The following TLN2 variants were observed in gnomAD, a reference collection of about 807,000 sequenced individuals.
The protein encoded by TLN2 is talin-2.
A neutral mutation model predicts 294.7 loss-of-function variants in TLN2; 118 were observed. The ratio of observed to expected loss-of-function variants is 0.40; its 90% CI spans 0.34 to 0.47. The LOEUF (loss-of-function observed/expected upper bound fraction) is 0.47, where lower values mean the gene tolerates loss of function less well. Among genes scored for constraint, TLN2 ranks in the 20% least tolerant of loss-of-function variants. The pLI is 0.84. For missense variants in TLN2, 3,083 were observed against 3,282.2 expected, an observed-to-expected ratio of 0.94 and a Z score of 1.48; for synonymous variants, 1,431 against 1,304.5, an observed-to-expected ratio of 1.10 and a Z score of -2.09.
chr15:62,538,617 G>A (rs368640917), intron 1 of TLN2, among the ~76,000 whole-genome samples: 31 of 152,078 alleles, frequency 2.0e-4, no homozygotes, highest in African/African-American at 7.5e-4. Flanking sequence ...TTAGATTTGG[G>A]GTTTTAGTTT....
intron 45 of TLN2, among the ~76,000 whole-genome samples, chr15:62,785,639 A>G: frequency 8.1e-6 from 1 of 123,416 alleles, no homozygotes; most frequent in African/African-American, 3.2e-5. Context: ...CAACAGAATG[A>G]GACTCCATCT....
chr15:62,542,578 T>C (rs555154660), intron 1 of TLN2, among the ~76,000 whole-genome samples: 3 of 152,208 alleles, frequency 2.0e-5, no homozygotes, highest in South Asian at 2.1e-4. Flanking sequence ...ATCCTTTTGG[T>C]TGCAAGTAAA....
chr15:62,625,199 G>T (rs112632588), intron 3 of TLN2, among the ~76,000 whole-genome samples: 1 of 152,054 alleles, frequency 6.6e-6, no homozygotes, highest in East Asian at 1.9e-4. Flanking sequence ...TACTGAATGT[G>T]CACATGGGGC....
At chr15:62,404,457 T>G (rs1451696496) in intron 1 of TLN2, among the ~76,000 whole-genome samples, 2 of 152,154 alleles carry the variant, frequency 1.3e-5, no homozygotes, top group Non-Finnish European at 2.9e-5. Context: ...GATGTCTCCT[T>G]CTTCTCCTAA....
rs747800149 is a variant in TLN2 at position 62,833,593 on chromosome 15, C to G, written c.7092C>G (p.Ala2364=). The part of the protein sequence containing the change: ...AAATSALVKS[A]SAAQRELVAQ... ...CCACAAGCGCCCTGGTCAAATCGGC[C>G]TCAGCAGCCCAGAGGGAGCTGGTGG... Residue 2364 remains alanine (A), a synonymous_variant, in exon 55 of 59, where the codon GCC becomes GCG. Transcript: ENST00000636159. 9.9e-6 allele frequency: 16 copies of G among 1,614,028 alleles called. No homozygotes were observed. The Admixed American group carries it at 2.7e-4, about 27-fold the overall frequency.
chr15:62,762,532 C>T (rs1418516028), intron 39 of TLN2, 79 bp downstream of exon 39: 1 of 1,452,102 alleles, frequency 6.9e-7, no homozygotes, highest in Non-Finnish European at 9.5e-7. Flanking sequence ...AGGCTTTTTA[C>T]TTAATAGTGA....
chr15:62,608,639 A>G (rs2047650194), intron 2 of TLN2, among the ~76,000 whole-genome samples: 2 of 152,162 alleles, frequency 1.3e-5, no homozygotes, highest in South Asian at 4.1e-4. Flanking sequence ...ACAGGAGGGA[A>G]GCAGGTTGGG....
rs117362561 is a variant in TLN2 at position 62,482,163 on chromosome 15, G to A, written c.-238+91478G>A. ...AAATTATGTAACCACTCATTCTTCCGTTCCTGGGTGTCCCCCACCCCTTGC... is the reference window on the plus strand; with the variant it reads ...AAATTATGTAACCACTCATTCTTCCATTCCTGGGTGTCCCCCACCCCTTGC... On this transcript the variant is annotated intron_variant, in intron 1 of 58. Coordinates refer to ENST00000636159, the MANE Select transcript of TLN2 (RefSeq NM_015059.3). Among the ~76,000 whole-genome samples, 543 of 152,114 alleles carry A rather than the reference G, an allele frequency of 3.6e-3. 3 individuals are homozygous for A. The highest frequency in any genetic ancestry group is 5.7e-3 in the Non-Finnish European group (387 of 67,996).
rs2031992565 is a variant in TLN2 at position 62,390,621 on chromosome 15, GC to G, written c.-301del. 2.6e-5 allele frequency: 4 copies of G among 152,114 alleles called. No individual in the cohort carries two copies. Among genetic ancestry groups the G allele is most frequent in the African/African-American group, 7.3e-5 (3 of 41,350 alleles). The allele number at this position is 152,114 out of a possible 1,614,324, so 9.4% of individuals were successfully genotyped here. On this transcript the variant is annotated 5_prime_UTR_variant, in exon 1 of 59. Transcript: ENST00000636159. ...CGGGAGCGGAGTGGTCGCCCAGCGC[GC>G]GGGGGGACGCGGGCTGCACTCCCGG...
intron 24 of TLN2, among the ~76,000 whole-genome samples, chr15:62,719,197 A>G (rs2059972500): frequency 1.3e-5 from 2 of 152,180 alleles, no homozygotes; most frequent in African/African-American, 4.8e-5. Context: ...GTACAGCAGC[A>G]CTGCCTCACA....
chr15:62,716,435 GA>G lies in TLN2; in HGVS notation c.2746del (p.Ile916LeufsTer57). 4.4e-6 allele frequency: 7 copies of G among 1,605,386 alleles called. No individual in the cohort carries two copies. Among genetic ancestry groups the G allele is most frequent in the South Asian group, 1.1e-5 (1 of 89,520 alleles). ...ACGCAGCTGCCCAGAATGCTATTAA[GA>G]AAAAAATTGTCAACCGACTGGAGGT... is the stretch of plus-strand genomic sequence containing the variant. ...TNAAAQNAIKKKIVNRLEVAA... is the reference protein window; with the variant it reads ...TNAAAQNAIKXKIVNRLEVAA... On this transcript the variant is annotated frameshift_variant, in exon 23 of 59. Coordinates refer to ENST00000636159, the MANE Select transcript of TLN2 (RefSeq NM_015059.3). LOFTEE classifies it high-confidence loss of function.
chr15:62,424,975 G>T (rs1202149623), intron 1 of TLN2, among the ~76,000 whole-genome samples: 3 of 116,686 alleles, frequency 2.6e-5, no homozygotes. Flanking sequence ...TTTTTTAAGA[G>T]ATAGTCTTGC....
chr15:62,424,630 A>G (rs560370787), intron 1 of TLN2, among the ~76,000 whole-genome samples: 1 of 151,624 alleles, frequency 6.6e-6, no homozygotes. Flanking sequence ...ACTGCCGTCC[A>G]GGCATCCCTA....
rs1283429966 is a variant in TLN2, at chr15:62,725,081, C to G, written c.3232C>G (p.Leu1078Val). The G allele has an allele frequency of 1.9e-6, 3 of 1,612,724 alleles. No homozygotes were observed. Among genetic ancestry groups the G allele is most frequent in the Admixed American group, 3.3e-5 (2 of 59,962 alleles). The change falls in exon 27 of 59, where the codon CTG (leucine) becomes GTG (valine). Residue 1078 changes from leucine to valine, a missense_variant. Physicochemically the swap from Leu to Val is conservative, Grantham distance 32. Coordinates refer to ENST00000636159, the MANE Select transcript of TLN2 (RefSeq NM_015059.3). Reference protein sequence around the residue: ...DAKMAAVESQLKPLPGETLEK... With the variant: ...DAKMAAVESQVKPLPGETLEK... ...CAAGATGGCAGCCGTGGAGAGCCAG[C>G]TGAAGCCACTTCCAGGGGAAACGGT...
At chr15:62,719,346 C>G (rs932942216) in intron 24 of TLN2, among the ~76,000 whole-genome samples, 2 of 152,226 alleles carry the variant, frequency 1.3e-5, no homozygotes, top group Admixed American at 6.5e-5. Context: ...AAAGCACTTA[C>G]ATGCACTGGT....
At position 62,762,309 on chromosome 15, in the gene TLN2, A is replaced by G. The variant is rs757572370; in HGVS notation, c.4817A>G (p.Lys1606Arg). ...QAQEPILVSA[K>R]TMLESSSYLI... ...CAGGAACCAATCCTGGTCTCAGCCA[A>G]GACCATGCTGGAGAGTTCATCGTAC... Residue 1606 changes from lysine to arginine, a missense_variant, in exon 39 of 59, where the codon AAG becomes AGG. Lys to Arg is a conservative substitution (Grantham distance 26). Transcript: ENST00000636159. 1.2e-6 allele frequency: 2 copies of G among 1,614,218 alleles called. No individual in the cohort carries two copies. The highest frequency in any genetic ancestry group is 1.7e-6 in the Non-Finnish European group (2 of 1,180,040).
intron 40 of TLN2, among the ~76,000 whole-genome samples, chr15:62,765,425 TC>T (rs1489179213): frequency 6.6e-6 from 1 of 152,118 alleles, no homozygotes; most frequent in Non-Finnish European, 1.5e-5. Flanking sequence ...GCAGCATTGT[TC>T]TGTGGGAAAG....
Position 62,783,840 on chromosome 15 carries a change from C to T in TLN2, c.5686C>T (p.His1896Tyr). 1 of 1,614,038 alleles carries T rather than the reference C, an allele frequency of 6.2e-7. No individual in the cohort carries two copies. The highest frequency in any genetic ancestry group is 8.5e-7 in the Non-Finnish European group (1 of 1,179,908). ...LASQMTSDYG[H>Y]LAFQGQMAAA... is the part of the protein sequence containing the mutation. ...TTCACAAATGACCAGTGACTATGGG[C>T]ACCTGGCTTTCCAGGGCCAGATGGC... The change falls in exon 45 of 59, where the codon CAC becomes TAC. Residue 1896 changes from histidine (H) to tyrosine (Y), a missense_variant. His to Tyr is a moderately conservative substitution (Grantham distance 83). Transcript: ENST00000636159.
At chr15:62,695,750 C>T (rs1193242402) in intron 14 of TLN2, among the ~76,000 whole-genome samples, 1 of 152,194 alleles carries the variant, frequency 6.6e-6, no homozygotes, top group Non-Finnish European at 1.5e-5. Flanking sequence ...TACTTGCCAC[C>T]CTTGGGCAGA....
Sources: gnomAD v4.1 joint callset for allele counts (sites outside exome capture counted in the v4.1 genomes callset) on GRCh38, gnomAD v4.1.1 for gene constraint, MANE v1.5 for transcripts, NCBI Gene and HGNC (gene_info 2026-07-23, HGNC 2026-07-21) for gene names.